TRAT1: variants seen among roughly 807,000 people sequenced by gnomAD.
The protein encoded by TRAT1 is T-cell receptor-associated transmembrane adapter 1.
In TRAT1, 20 loss-of-function variants were observed where a neutral mutation model predicts 20.0. The ratio of observed to expected loss-of-function variants is 1.00; its 90% CI spans 0.70 to 1.45. The LOEUF is 1.45. Among genes scored for constraint, TRAT1 ranks in the 40% most tolerant of loss-of-function variants. The pLI, the probability that TRAT1 is intolerant of heterozygous loss-of-function variation, is 0.00. For missense variants in TRAT1, 237 were observed against 224.1 expected, an observed-to-expected ratio of 1.06 and a Z score of -0.37; for synonymous variants, 77 against 74.2, an observed-to-expected ratio of 1.04 and a Z score of -0.20.
chr3:108,839,487 C>CA (rs548339526), intron 3 of TRAT1, among the ~76,000 whole-genome samples: 73 of 150,758 alleles, frequency 4.8e-4, no homozygotes, highest in Non-Finnish European at 7.8e-4. Flanking sequence ...CAAAACAAAA[C>CA]AAAAAAAAAT....
At chr3:108,848,012 C>A (rs1371607940) in intron 4 of TRAT1, among the ~76,000 whole-genome samples, 2 of 152,102 alleles carry the variant, frequency 1.3e-5, no homozygotes, top group Non-Finnish European at 2.9e-5. Flanking sequence ...CTCTAGTGCT[C>A]TAAGGAATCA....
Position 108,822,949 on chromosome 3 carries a change from A to T in TRAT1, c.7+15A>T. 1 of 1,610,556 alleles carries T rather than the reference A, an allele frequency of 6.2e-7. No individual in the cohort carries two copies. The highest frequency in any genetic ancestry group is 8.5e-7 in the Non-Finnish European group (1 of 1,177,318). On this transcript the variant is annotated intron_variant, in intron 1 of 5. Coordinates refer to ENST00000295756, the MANE Select transcript of TRAT1 (RefSeq NM_016388.4). ...AAGCATGTCAGGTAAGTGGCATTTT[A>T]AACTTTTTGTTCCATTTGTGTGTCT... is the stretch of plus-strand genomic sequence containing the variant.
chr3:108,827,591 A>T lies in TRAT1; in HGVS notation c.8-3079A>T, dbSNP rs1036194377. Among the ~76,000 whole-genome samples, 18 of 152,242 alleles carry T rather than the reference A, an allele frequency of 1.2e-4. 1 individual carries two copies. The East Asian group carries it at 3.5e-3, about 29-fold the overall frequency. ...ATAAAATACAAAGCCTCCAAATAAAAATCTTCCTGTTTAAAATTTATGTAT... is the reference window on the plus strand; with the variant it reads ...ATAAAATACAAAGCCTCCAAATAAATATCTTCCTGTTTAAAATTTATGTAT... On this transcript the variant is annotated intron_variant, in intron 1 of 5. Transcript: ENST00000295756.
At chr3:108,839,230 T>G in intron 3 of TRAT1, 1 of 463,118 alleles carries the variant, frequency 2.2e-6, no homozygotes, top group Non-Finnish European at 3.8e-6. Context: ...AGAATTATCA[T>G]TAATTTCAGA....
At chr3:108,833,244 T>C (rs1195647674) in intron 2 of TRAT1, among the ~76,000 whole-genome samples, 20 of 151,978 alleles carry the variant, frequency 1.3e-4, no homozygotes, top group East Asian at 1.9e-4. Flanking sequence ...ATGGAGAAAC[T>C]CCATCTCTAC....
chr3:108,849,320 C>A, intron 5 of TRAT1, 66 bp downstream of exon 5: 1 of 1,350,856 alleles, frequency 7.4e-7, no homozygotes, highest in Non-Finnish European at 1.0e-6. Flanking sequence ...CATTATGATA[C>A]ACATCTGAAA....
chr3:108,825,614 G>C (rs1006291814), intron 1 of TRAT1, among the ~76,000 whole-genome samples: 83 of 152,054 alleles, frequency 5.5e-4, no homozygotes, highest in African/African-American at 1.9e-3. Context: ...ATTGGGCAGT[G>C]TTTTTAAGGA....
At chr3:108,838,346 T>TATAGATAGATGATAG (rs139811437) in intron 2 of TRAT1, among the ~76,000 whole-genome samples, 2 of 143,390 alleles carry the variant, frequency 1.4e-5, no homozygotes, top group East Asian at 4.1e-4. Context: ...AGATGATAGA[T>TATAGATAGATGATAG]ATAGATAGAT....
chr3:108,853,545 A>G (rs1056615888), intron 5 of TRAT1, 75 bp from the exon 6 acceptor site: 4 of 1,526,030 alleles, frequency 2.6e-6, no homozygotes, highest in Non-Finnish European at 2.6e-6. Flanking sequence ...CTTGGTTTTC[A>G]TACGCCACAG....
At chr3:108,826,381 C>T (rs1945739497) in intron 1 of TRAT1, among the ~76,000 whole-genome samples, 1 of 152,118 alleles carries the variant, frequency 6.6e-6, no homozygotes, top group Non-Finnish European at 1.5e-5. Context: ...ATAATAGACA[C>T]ATAAGGTCAG....
chr3:108,833,110 T>C lies in TRAT1; in HGVS notation c.118+2330T>C, dbSNP rs530678700. Among the ~76,000 whole-genome samples, 10 of 152,290 alleles carry C rather than the reference T, an allele frequency of 6.6e-5. No homozygotes were observed. In the South Asian group the frequency reaches 1.0e-3, roughly 16 times the overall value. ...TAATTTGACCACTGCAGAAAGACAGTAGCCTTACTTTAAAAAGCATCGTGT... is the reference window on the plus strand; with the variant it reads ...TAATTTGACCACTGCAGAAAGACAGCAGCCTTACTTTAAAAAGCATCGTGT... On this transcript the variant is annotated intron_variant, in intron 2 of 5. Transcript: ENST00000295756.
intron 1 of TRAT1, 83 bp downstream of exon 1, chr3:108,823,017 G>A: frequency 4.2e-6 from 5 of 1,199,348 alleles, no homozygotes; most frequent in South Asian, 4.1e-5. Context: ...AAGACCCTTA[G>A]TATTTAGAAA....
intron 2 of TRAT1, among the ~76,000 whole-genome samples, chr3:108,836,390 AC>A (rs1945842699): frequency 6.6e-6 from 1 of 152,118 alleles, no homozygotes; most frequent in Non-Finnish European, 1.5e-5. Flanking sequence ...GACACTCTTC[AC>A]TTTTGTTTTC....
intron 1 of TRAT1, among the ~76,000 whole-genome samples, chr3:108,823,314 T>G (rs1314611361): frequency 1.3e-5 from 2 of 152,218 alleles, no homozygotes; most frequent in African/African-American, 4.8e-5. Context: ...TTAGGCACTA[T>G]AGTATTTTCT....
At position 108,849,227 on chromosome 3, in the gene TRAT1, G is replaced by T; in HGVS notation, c.276G>T (p.Lys92Asn). ...CCCGACCAGAGAAATCTGTAAATAA[G>T]ATGCAGGAAGCCACCCCATCTGCAC... is the stretch of plus-strand genomic sequence containing the variant. Reference protein sequence around the residue: ...MKARPEKSVNKMQEATPSAQA... With the variant: ...MKARPEKSVNNMQEATPSAQA... The change falls in exon 5 of 6, where the codon AAG (lysine) becomes AAT (asparagine). Residue 92 changes from lysine (K) to asparagine (N), a missense_variant. By Grantham distance (94) the Lys-to-Asn change is moderately conservative. Coordinates refer to ENST00000295756, the MANE Select transcript of TRAT1 (RefSeq NM_016388.4). 1 of 1,614,042 alleles carries T rather than the reference G, an allele frequency of 6.2e-7. No homozygotes were observed. The highest frequency in any genetic ancestry group is 8.5e-7 in the Non-Finnish European group (1 of 1,179,990).
At chr3:108,823,656 C>T (rs2715704) in intron 1 of TRAT1, among the ~76,000 whole-genome samples, 7,657 of 152,048 alleles carry the variant, frequency 0.05, 608 homozygotes, top group African/African-American at 0.17. Context: ...TGTTTTATTT[C>T]CTTTCAAATT....
chr3:108,835,046 A>G (rs1164268164), intron 2 of TRAT1, among the ~76,000 whole-genome samples: 1 of 152,206 alleles, frequency 6.6e-6, no homozygotes, highest in African/African-American at 2.4e-5. Context: ...TGGTTTGGAA[A>G]GAAGGATAAA....
chr3:108,847,495 G>A (rs1453623360), intron 4 of TRAT1: 1 of 186,246 alleles, frequency 5.4e-6, no homozygotes, highest in African/African-American at 2.4e-5. Flanking sequence ...ATATACAAAA[G>A]CAAATGTACA....
Position 108,830,756 on chromosome 3 carries a change from C to T in TRAT1, c.94C>T (p.His32Tyr). 1.2e-6 allele frequency: 2 copies of T among 1,613,140 alleles called. No homozygotes were observed. The highest frequency in any genetic ancestry group is 1.7e-6 in the Non-Finnish European group (2 of 1,179,132). The change falls in exon 2 of 6, where the codon CAC becomes TAC. Residue 32 changes from histidine to tyrosine, a missense_variant. Transcript: ENST00000295756. ...TATATCACTGATCTTCAATATTTCCCACTATGTGGAAAAGCAACGACAAGG... is the reference window on the plus strand; with the variant it reads ...TATATCACTGATCTTCAATATTTCCTACTATGTGGAAAAGCAACGACAAGG... ...LVISLIFNIS[H>Y]YVEKQRQDKM...
Sources: allele counts gnomAD v4.1 joint callset (sites outside exome capture counted in the v4.1 genomes callset), GRCh38; gene constraint gnomAD v4.1.1; transcripts MANE v1.5; gene names NCBI Gene and HGNC (gene_info 2026-07-23, HGNC 2026-07-21).